The following CEP83 variants were observed in gnomAD, a reference collection of about 807,000 sequenced individuals.
CEP83 encodes centrosomal protein 83, also known as centrosomal protein of 83 kDa.
In CEP83, 70 loss-of-function variants were observed where a neutral mutation model predicts 101.9. The observed-to-expected ratio is 0.69, with a 90% CI of 0.57 to 0.84. The LOEUF is 0.84. CEP83 is among the 40% of genes least tolerant of loss of function. CEP83 has a pLI of 0.00. For missense variants in CEP83, 715 were observed against 787.2 expected (o/e 0.91, Z 1.10); for synonymous variants, 264 against 267.9 (o/e 0.99, Z 0.14).
the CEP83 span, among the ~76,000 whole-genome samples, chr12:94,286,919 TA>T: frequency 6.6e-6 from 1 of 152,064 alleles, no homozygotes; most frequent in Non-Finnish European, 1.5e-5. Context: ...ATGACAAAAA[TA>T]TAGCATCTCA....
intron 12 of CEP83, among the ~76,000 whole-genome samples, chr12:94,334,096 A>C (rs989693675): frequency 6.6e-6 from 1 of 152,182 alleles, no homozygotes; most frequent in Admixed American, 6.5e-5. Context: ...CCCTGAGATC[A>C]GCAACCTTCC....
chr12:94,348,114 AAT>A (rs557376979), intron 11 of CEP83, among the ~76,000 whole-genome samples: 2 of 151,718 alleles, frequency 1.3e-5, no homozygotes, highest in African/African-American at 4.8e-5. Flanking sequence ...CCACAAAAAA[AAT>A]ATATATATAT....
At chr12:94,317,282 T>A (rs1158348812) in intron 14 of CEP83, among the ~76,000 whole-genome samples, 1 of 152,016 alleles carries the variant, frequency 6.6e-6, no homozygotes, top group African/African-American at 2.4e-5. Flanking sequence ...TCCTGTAAAT[T>A]TAAGTTCTTT....
chr12:94,350,570 T>A (rs1356688234), intron 11 of CEP83, among the ~76,000 whole-genome samples: 1 of 152,082 alleles, frequency 6.6e-6, no homozygotes, highest in Non-Finnish European at 1.5e-5. Context: ...GATTTGATAA[T>A]GATTTCTTGG....
At chr12:94,405,611 C>T (rs767935837) in intron 4 of CEP83, among the ~76,000 whole-genome samples, 7 of 152,174 alleles carry the variant, frequency 4.6e-5, no homozygotes, top group Non-Finnish European at 8.8e-5. Flanking sequence ...CAGATTCGCT[C>T]TCTTGCCTGA....
intron 11 of CEP83, among the ~76,000 whole-genome samples, chr12:94,360,020 GA>G (rs2060668386): frequency 6.6e-6 from 1 of 151,944 alleles, no homozygotes; most frequent in African/African-American, 2.4e-5. Flanking sequence ...ACTGAATGAA[GA>G]AAAAACGATA....
chr12:94,357,432 A>C (rs533296449), intron 11 of CEP83, among the ~76,000 whole-genome samples: 12 of 152,336 alleles, frequency 7.9e-5, no homozygotes, highest in African/African-American at 2.9e-4. Context: ...ATATGTCCAA[A>C]ATGTAAAAAA....
chr12:94,290,859 G>C, the CEP83 span, among the ~76,000 whole-genome samples: 5 of 152,374 alleles, frequency 3.3e-5, no homozygotes, highest in South Asian at 1.0e-3. Flanking sequence ...ATAAGGTTCA[G>C]AAGTGACAGG....
chr12:94,326,925 T>G (rs1398482838), intron 14 of CEP83, among the ~76,000 whole-genome samples: 1 of 152,208 alleles, frequency 6.6e-6, no homozygotes, highest in East Asian at 1.9e-4. Context: ...GAGAATAAGC[T>G]TTTGTTGTTT....
rs141257527 is a variant in CEP83 at position 94,329,292 on chromosome 12, G to A, written c.1707+2408C>T. 2.5e-3 allele frequency among the ~76,000 whole-genome samples: 376 copies of A among 151,570 alleles called. 1 individual carries two copies. Among genetic ancestry groups the A allele is most frequent in the African/African-American group, 8.7e-3 (361 of 41,290 alleles). The stretch of plus-strand genomic sequence containing the variant: ...TAATTATTATTTTTTTTTGAGATAG[G>A]GTCTTGCTGTGTCATCCAGGCTGGA... On this transcript the variant is annotated intron_variant, in intron 14 of 16. Coordinates refer to ENST00000397809, the MANE Select transcript of CEP83 (RefSeq NM_016122.3).
At chr12:94,435,153 T>A (rs1247763651) in intron 2 of CEP83, 122 bp downstream of exon 2, 1 of 152,166 alleles carries the variant, frequency 6.6e-6, no homozygotes, top group Non-Finnish European at 1.5e-5. Context: ...TGCTTATGAA[T>A]CCCCCTCTAC....
At chr12:94,359,264 T>C (rs2060628969) in intron 11 of CEP83, among the ~76,000 whole-genome samples, 1 of 152,214 alleles carries the variant, frequency 6.6e-6, no homozygotes, top group Non-Finnish European at 1.5e-5. Flanking sequence ...CTAATCCCTC[T>C]AGTGCCGCTG....
chr12:94,343,708 T>C (rs2059807231), intron 11 of CEP83, among the ~76,000 whole-genome samples: 1 of 151,164 alleles, frequency 6.6e-6, no homozygotes, highest in African/African-American at 2.4e-5. Flanking sequence ...TTAGCCAGGA[T>C]GGTCTCGATC....
the CEP83 span, chr12:94,279,442 A>G: frequency 3.2e-6 from 5 of 1,585,778 alleles, no homozygotes; most frequent in East Asian, 2.2e-5. Flanking sequence ...ATTATCTAAT[A>G]GACTTGGAAA....
chr12:94,282,400 A>G, the CEP83 span: 1 of 1,598,198 alleles, frequency 6.3e-7, no homozygotes, highest in Non-Finnish European at 8.6e-7. Flanking sequence ...GGCCACTATG[A>G]GGTAAGAGCA....
chr12:94,274,704 A>G, the CEP83 span, among the ~76,000 whole-genome samples: 1 of 152,184 alleles, frequency 6.6e-6, no homozygotes, highest in East Asian at 1.9e-4. Context: ...CTTACTTTAC[A>G]AAACATTCTT....
chr12:94,411,632 T>A, intron 4 of CEP83, 65 bp downstream of exon 4: 1 of 1,248,836 alleles, frequency 8.0e-7, no homozygotes, highest in Non-Finnish European at 1.1e-6. Context: ...TCACCAAAAC[T>A]ACTTACTTCC....
rs115799694 is a variant in CEP83, at chr12:94,426,623, A to G, written c.-102+8652T>C. ...AGTGGGCTGAATGCTAGCCCTCAAAATATGTCATTTCCTAATCTCTGGATG... is the reference window on the plus strand; with the variant it reads ...AGTGGGCTGAATGCTAGCCCTCAAAGTATGTCATTTCCTAATCTCTGGATG... On this transcript the variant is annotated intron_variant, in intron 2 of 16. Coordinates refer to ENST00000397809, the MANE Select transcript of CEP83 (RefSeq NM_016122.3). Among the ~76,000 whole-genome samples, 900 of 152,314 alleles carry G rather than the reference A, an allele frequency of 5.9e-3. 5 individuals carry two copies. Among genetic ancestry groups the G allele is most frequent in the African/African-American group, 0.02 (844 of 41,566 alleles).
At chr12:94,339,669 T>C (rs984660216) in intron 11 of CEP83, among the ~76,000 whole-genome samples, 2 of 152,218 alleles carry the variant, frequency 1.3e-5, no homozygotes, top group African/African-American at 4.8e-5. Context: ...CTGTGATTTC[T>C]CTACTGTCAA....
Sources: gnomAD v4.1 joint callset for allele counts (sites outside exome capture counted in the v4.1 genomes callset) on GRCh38, gnomAD v4.1.1 for gene constraint, MANE v1.5 for transcripts, NCBI Gene and HGNC (gene_info 2026-07-23, HGNC 2026-07-21) for gene names.